TRNT1: variants seen among roughly 807,000 people sequenced by gnomAD.
TRNT1 encodes the protein CCA tRNA nucleotidyltransferase 1, mitochondrial.
Under a neutral mutation model 45.6 loss-of-function variants are expected in TRNT1, and 44 were observed. That is an observed-to-expected ratio of 0.97 (90% CI 0.76 to 1.24). TRNT1 has a LOEUF of 1.24. Among genes scored for constraint, TRNT1 ranks in the 50% most tolerant of loss-of-function variants. TRNT1 has a pLI of 0.00. For synonymous variants in TRNT1, 201 were observed against 171.4 expected (o/e 1.17, Z -1.35); for missense variants, 633 against 504.4 (o/e 1.25, Z -2.44).
chr3:3,151,939 G>A (rs1248120371), downstream of TRNT1, among the ~76,000 whole-genome samples: 1 of 152,096 alleles, frequency 6.6e-6, no homozygotes, highest in Admixed American at 6.6e-5. Context: ...TACAGAATAT[G>A]GTCCAGATAT....
At chr3:3,150,249 TAAA>T (rs1706415733), downstream of TRNT1, 1 of 152,556 alleles carries the variant, frequency 6.6e-6, no homozygotes, top group Non-Finnish European at 1.5e-5. Context: ...AACAGGCACA[TAAA>T]GGAAATGACA....
downstream of TRNT1, chr3:3,150,284 C>G (rs150489297): frequency 1.6e-4 from 25 of 152,032 alleles, no homozygotes; most frequent in African/African-American, 6.1e-4. Flanking sequence ...GCTCAAAAAA[C>G]TGCATATTTT....
At chr3:3,141,327 C>G (rs558169486) in intron 4 of TRNT1, among the ~76,000 whole-genome samples, 1 of 151,462 alleles carries the variant, frequency 6.6e-6, no homozygotes, top group Non-Finnish European at 1.5e-5. Context: ...CATGTACATA[C>G]TCCACACACA....
At position 3,148,992 on chromosome 3, in the gene TRNT1, T is replaced by C. The variant is rs1379833609; in HGVS notation, c.*838T>C. 1 of 116,348 alleles carries C rather than the reference T, an allele frequency of 8.6e-6. No homozygotes were observed. The highest frequency in any genetic ancestry group is 3.0e-5 in the African/African-American group (1 of 33,554). 7.2% of individuals were successfully genotyped at this position (116,348 alleles called of 1,614,324 possible). On this transcript the variant is annotated 3_prime_UTR_variant, in exon 8 of 8. Coordinates refer to ENST00000251607, the MANE Select transcript of TRNT1 (RefSeq NM_182916.3). Reference sequence around the variant, plus strand: ...CTCTAAAGATTTGAGTCCTAAATGCTTTCATCAGGTAAATAAAATGTATAA... The same window carrying C: ...CTCTAAAGATTTGAGTCCTAAATGCCTTCATCAGGTAAATAAAATGTATAA...
chr3:3,141,316 A>C (rs1481921140), intron 4 of TRNT1, among the ~76,000 whole-genome samples: 2 of 152,014 alleles, frequency 1.3e-5, no homozygotes, highest in Non-Finnish European at 2.9e-5. Flanking sequence ...CACACATGGT[A>C]CATGTACATA....
intron 6 of TRNT1, 73 bp downstream of exon 6, chr3:3,146,696 T>C: frequency 7.5e-7 from 1 of 1,336,762 alleles, no homozygotes; most frequent in East Asian, 2.4e-5. Context: ...AAGGAAAAAA[T>C]GTTTGACTCA....
intron 4 of TRNT1, among the ~76,000 whole-genome samples, chr3:3,141,650 T>C (rs1705664462): frequency 1.3e-5 from 2 of 152,238 alleles, no homozygotes; most frequent in Admixed American, 1.3e-4. Context: ...ATGCATCATA[T>C]GTTGTACTTT....
At chr3:3,150,782 G>GTA, downstream of TRNT1, 1 of 1,290,078 alleles carries the variant, frequency 7.8e-7, no homozygotes, top group Non-Finnish European at 1.1e-6. Context: ...GTTTACTTAG[G>GTA]TATGTATCAG....
intron 2 of TRNT1, 167 bp downstream of exon 2, chr3:3,129,355 T>C: frequency 1.6e-6 from 1 of 629,598 alleles, no homozygotes; most frequent in African/African-American, 1.8e-5. Flanking sequence ...GTCTCAAAAC[T>C]CCTGGGCTCA....
chr3:3,146,720 T>C, intron 6 of TRNT1, 97 bp downstream of exon 6: 1 of 1,167,362 alleles, frequency 8.6e-7, no homozygotes, highest in East Asian at 2.5e-5. Flanking sequence ...GGTTGAAGAA[T>C]TCTTGGAGAA....
chr3:3,128,254 T>C (rs1459545546), intron 1 of TRNT1, among the ~76,000 whole-genome samples: 1 of 152,126 alleles, frequency 6.6e-6, no homozygotes. Context: ...CTGGGGAGTT[T>C]CCTCAGATCC....
chr3:3,129,284 T>A (rs901139446), intron 2 of TRNT1, 96 bp downstream of exon 2: 2 of 1,138,640 alleles, frequency 1.8e-6, no homozygotes, highest in Non-Finnish European at 2.5e-6. Flanking sequence ...ATTTTCATTG[T>A]TGTTTTAATT....
rs772348253 is a variant in TRNT1 at position 3,140,539 on chromosome 3, A to C, written c.372A>C (p.Thr124=). Residue 124 remains threonine (T), a synonymous_variant, in exon 4 of 8, where the codon ACA becomes ACC. Coordinates refer to ENST00000251607, the MANE Select transcript of TRNT1 (RefSeq NM_182916.3). Reference sequence around the variant, plus strand: ...ATGAAGAAAATTTTGAGATTACTACACTACGGATTGATGTCACCACTGATG... The same window carrying C: ...ATGAAGAAAATTTTGAGATTACTACCCTACGGATTGATGTCACCACTGATG... ...RLHEENFEIT[T]LRIDVTTDGR... 1 of 1,614,172 alleles carries C rather than the reference A, an allele frequency of 6.2e-7. No homozygotes were observed. The highest frequency in any genetic ancestry group is 1.1e-5 in the South Asian group (1 of 91,074).
At chr3:3,128,901 C>T (rs1278169434) in intron 1 of TRNT1, 113 bp from the exon 2 acceptor site, 2 of 829,022 alleles carry the variant, frequency 2.4e-6, no homozygotes, top group South Asian at 2.0e-5. Context: ...GTTTTTTCAT[C>T]TGAACAAGAG....
rs772805677 is a variant in TRNT1 at position 3,147,656 on chromosome 3, AC to A, written c.1010del (p.Thr337LysfsTer7). On this transcript the variant is annotated frameshift_variant, in exon 7 of 8. Transcript: ENST00000251607. LOFTEE classifies it high-confidence loss of function. ...VKNRKDLIKA[T>X]DSSDPLKPYQ... ...AAATAGGAAAGATTTAATTAAAGCA[AC>A]AGATAGTTCAGACCCATTGAAACCC... 2.5e-6 allele frequency: 4 copies of A among 1,613,684 alleles called. No individual in the cohort carries two copies. The highest frequency in any genetic ancestry group is 1.3e-5 in the African/African-American group (1 of 74,928).
downstream of TRNT1, chr3:3,153,079 A>T (rs1706696666): frequency 3.2e-6 from 1 of 308,354 alleles, no homozygotes; most frequent in Non-Finnish European, 6.1e-6. Flanking sequence ...TTGGCCCTAT[A>T]TGGCAAAACT....
chr3:3,144,606 C>G lies in TRNT1; in HGVS notation c.504C>G (p.Asp168Glu). 6.3e-7 allele frequency: 1 copy of G among 1,582,236 alleles called. No homozygotes were observed. Among genetic ancestry groups the G allele is most frequent in the Non-Finnish European group, 8.6e-7 (1 of 1,160,436 alleles). Residue 168 changes from aspartate to glutamate, a missense_variant, in exon 5 of 8, where the codon GAC becomes GAG. Transcript: ENST00000251607. ...MFLGFDGTLFDYFNGYEDLKN... is the reference protein window; with the variant it reads ...MFLGFDGTLFEYFNGYEDLKN... ...TAGGTTTTGATGGCACTTTATTTGA[C>G]TACTTTAATGGTTATGAAGATTTAA... is the stretch of plus-strand genomic sequence containing the variant.
downstream of TRNT1, chr3:3,153,163 A>G: frequency 2.3e-6 from 1 of 427,144 alleles, no homozygotes; most frequent in Non-Finnish European, 4.3e-6. Flanking sequence ...TAGATTGTCA[A>G]CAAGAATTAG....
intron 5 of TRNT1, 51 bp downstream of exon 5, chr3:3,144,761 C>T: frequency 7.0e-7 from 1 of 1,436,932 alleles, no homozygotes; most frequent in Non-Finnish European, 9.3e-7. Context: ...ATGACTAGAG[C>T]ATAACAGTGG....
Sources: allele counts gnomAD v4.1 joint callset (sites outside exome capture counted in the v4.1 genomes callset), GRCh38; gene constraint gnomAD v4.1.1; transcripts MANE v1.5; gene names NCBI Gene and HGNC (gene_info 2026-07-23, HGNC 2026-07-21).